Variants in REPS2 observed in about 807,000 individuals in gnomAD.
REPS2 encodes the protein ralBP1-associated Eps domain-containing protein 2.
In REPS2, 23 loss-of-function variants were observed where a neutral mutation model predicts 53.6. That is an observed-to-expected ratio of 0.43 (90% CI 0.31 to 0.61). The LOEUF (loss-of-function observed/expected upper bound fraction) is 0.61. Among genes scored for constraint, REPS2 ranks in the 20% least tolerant of loss-of-function variants. The pLI, the probability that REPS2 is intolerant of heterozygous loss-of-function variation, is 0.11. For missense variants in REPS2, 446 were observed against 534.9 expected (o/e 0.83, Z 1.64); for synonymous variants, 238 against 218.6 (o/e 1.09, Z -0.78).
At chrX:16,960,270 G>A (rs1459869456) in intron 1 of REPS2, among the ~76,000 whole-genome samples, 1 of 111,160 alleles carries the variant, frequency 9.0e-6, no homozygotes, top group East Asian at 2.8e-4. Flanking sequence ...GGGAGGCTGA[G>A]GCAGCAGGAT....
intron 1 of REPS2, among the ~76,000 whole-genome samples, chrX:16,989,795 A>G (rs769813994): frequency 8.9e-6 from 1 of 112,410 alleles, no homozygotes; most frequent in Non-Finnish European, 1.9e-5. Flanking sequence ...AAATGATGGC[A>G]AGGCTGTAGA....
intron 1 of REPS2, among the ~76,000 whole-genome samples, chrX:16,949,654 C>T (rs1288297789): frequency 8.9e-6 from 1 of 112,302 alleles, no homozygotes; most frequent in Non-Finnish European, 1.9e-5. Flanking sequence ...GTGATCCACC[C>T]GCCTCAGCCT....
intron 1 of REPS2, among the ~76,000 whole-genome samples, chrX:16,984,369 A>C (rs1057111961): frequency 1.8e-5 from 2 of 112,202 alleles, no homozygotes; most frequent in Admixed American, 9.5e-5. Flanking sequence ...ACAGCAAGGC[A>C]GAAGCCACAA....
chrX:17,117,835 C>T (rs1280627294), intron 14 of REPS2, among the ~76,000 whole-genome samples: 5 of 110,389 alleles, frequency 4.5e-5, no homozygotes, highest in Non-Finnish European at 9.5e-5. Context: ...TTCTAGATCC[C>T]TGAGGAATCG....
At chrX:17,073,918 T>C (rs967245102) in intron 11 of REPS2, among the ~76,000 whole-genome samples, 196 bp from the exon 12 acceptor site, 1 of 109,504 alleles carries the variant, frequency 9.1e-6, no homozygotes, top group Admixed American at 9.7e-5. Context: ...AATATGCTGG[T>C]TTTTCTTTCC....
intron 1 of REPS2, among the ~76,000 whole-genome samples, chrX:17,004,325 C>T (rs897240625): frequency 9.1e-6 from 1 of 109,540 alleles, no homozygotes; most frequent in Admixed American, 9.8e-5. Flanking sequence ...TTAAGCATTT[C>T]GACCCACAAC....
At chrX:17,025,257 G>T (rs770417566) in intron 4 of REPS2, 72 bp downstream of exon 4, 205 of 978,984 alleles carry the variant, frequency 2.1e-4, no homozygotes, top group Non-Finnish European at 2.7e-4. Flanking sequence ...AGGCGGTAAC[G>T]CTTCAAGCTG....
intron 5 of REPS2, among the ~76,000 whole-genome samples, chrX:17,037,148 T>C (rs2061776028): frequency 9.0e-6 from 1 of 111,429 alleles, no homozygotes; most frequent in African/African-American, 3.3e-5. Flanking sequence ...TGCTTGTAGT[T>C]CTCTTTCTGA....
intron 14 of REPS2, among the ~76,000 whole-genome samples, chrX:17,115,377 C>T (rs184878512): frequency 6.6e-4 from 74 of 112,587 alleles, no homozygotes; most frequent in African/African-American, 2.2e-3. Flanking sequence ...TTGTTGCCCG[C>T]ATGTCCCACC....
chrX:17,036,109 T>C (rs1001941696), intron 5 of REPS2, among the ~76,000 whole-genome samples: 1 of 112,309 alleles, frequency 8.9e-6, no homozygotes, highest in Admixed American at 9.5e-5. Flanking sequence ...GACCAATTCC[T>C]AGAAATTGAA....
chrX:16,964,779 G>A (rs1357270469), intron 1 of REPS2, among the ~76,000 whole-genome samples: 13 of 84,326 alleles, frequency 1.5e-4, no homozygotes, highest in African/African-American at 6.0e-4. Context: ...GGCTGGCCGG[G>A]CGGGGGGCTG....
At chrX:17,028,075 C>G (rs763176949) in intron 4 of REPS2, among the ~76,000 whole-genome samples, 1 of 111,393 alleles carries the variant, frequency 9.0e-6, no homozygotes, top group African/African-American at 3.3e-5. Flanking sequence ...CATCCAAGCC[C>G]TACTGATGAG....
the REPS2 span, among the ~76,000 whole-genome samples, chrX:17,166,737 G>A: frequency 9.0e-6 from 1 of 111,661 alleles, no homozygotes; most frequent in Non-Finnish European, 1.9e-5. Flanking sequence ...ACACACATGT[G>A]TATGTCCCAG....
intron 1 of REPS2, among the ~76,000 whole-genome samples, chrX:16,947,356 C>T (rs2060452288): frequency 8.9e-6 from 1 of 112,397 alleles, no homozygotes; most frequent in South Asian, 3.7e-4. Flanking sequence ...TGCGCTCTCC[C>T]CATCTTCCTT....
chrX:17,023,028 C>A (rs1226838825), intron 3 of REPS2, among the ~76,000 whole-genome samples: 1 of 112,270 alleles, frequency 8.9e-6, no homozygotes, highest in African/African-American at 3.2e-5. Flanking sequence ...GTGTACCCTG[C>A]AGGCATCAAG....
At chrX:17,097,419 A>G (rs1481885765) in intron 13 of REPS2, among the ~76,000 whole-genome samples, 1 of 112,336 alleles carries the variant, frequency 8.9e-6, no homozygotes, top group Non-Finnish European at 1.9e-5. Context: ...TGATAATATC[A>G]CAAATAAAAA....
intron 12 of REPS2, among the ~76,000 whole-genome samples, chrX:17,075,111 A>C (rs2147987822): frequency 8.9e-6 from 1 of 112,067 alleles, no homozygotes; most frequent in Non-Finnish European, 1.9e-5. Context: ...TGTATTTAAA[A>C]ACAATAGAGT....
At chrX:17,047,517 C>A in intron 6 of REPS2, 35 bp downstream of exon 6, 1 of 1,182,851 alleles carries the variant, frequency 8.5e-7, no homozygotes, top group Admixed American at 2.5e-5. Flanking sequence ...TCACTCTCAC[C>A]AGAACATAGC....
intron 2 of REPS2, among the ~76,000 whole-genome samples, chrX:17,019,440 C>T (rs1211457261): frequency 9.0e-6 from 1 of 111,628 alleles, no homozygotes; most frequent in Non-Finnish European, 1.9e-5. Flanking sequence ...ACAAATAGAC[C>T]TTCTTCTTGA....
Sources: allele counts gnomAD v4.1 joint callset (sites outside exome capture counted in the v4.1 genomes callset), GRCh38; gene constraint gnomAD v4.1.1; transcripts MANE v1.5; gene names NCBI Gene and HGNC (gene_info 2026-07-23, HGNC 2026-07-21).